The following MAK variants were observed in gnomAD, a reference collection of about 807,000 sequenced individuals.
MAK encodes serine/threonine-protein kinase MAK.
Under a neutral mutation model 82.6 loss-of-function variants are expected in MAK, and 65 were observed. That is an observed-to-expected ratio of 0.79 (90% CI 0.64 to 0.97). MAK has a LOEUF of 0.97. MAK is among the 50% of genes least tolerant of loss of function. The probability of loss-of-function intolerance (pLI) is 0.00; values close to 1 mark genes in which losing one functional copy is unlikely to be tolerated. For missense variants in MAK, 703 were observed against 780.2 expected (o/e 0.90, Z 1.18); for synonymous variants, 250 against 274.2 (o/e 0.91, Z 0.87).
intron 8 of MAK, chr6:10,797,955 A>ACT: frequency 8.3e-7 from 1 of 1,197,866 alleles, no homozygotes; most frequent in South Asian, 1.6e-5. Context: ...TAATTTGAAT[A>ACT]CTTCAATGCC....
At chr6:10,770,011 CTA>C in intron 14 of MAK, 98 bp downstream of exon 14, 2 of 1,605,990 alleles carry the variant, frequency 1.2e-6, no homozygotes, top group South Asian at 1.1e-5. Flanking sequence ...GTGAGGCTGA[CTA>C]AAAGTCTTCG....
intron 11 of MAK, among the ~76,000 whole-genome samples, chr6:10,779,082 G>A (rs1336125065): frequency 6.9e-6 from 1 of 144,116 alleles, no homozygotes; most frequent in Non-Finnish European, 1.5e-5. Context: ...GAGCTGAGGT[G>A]GTACCACTGC....
intron 3 of MAK, among the ~76,000 whole-genome samples, chr6:10,818,428 A>G (rs1777657559): frequency 6.6e-6 from 1 of 152,194 alleles, no homozygotes; most frequent in Non-Finnish European, 1.5e-5. Context: ...AGCCTGGCCA[A>G]CATGGTGAAA....
At chr6:10,817,773 CAT>C (rs1435167541) in intron 4 of MAK, 75 bp downstream of exon 4, 1 of 1,181,434 alleles carries the variant, frequency 8.5e-7, no homozygotes, top group Non-Finnish European at 1.2e-6. Flanking sequence ...ATCTTTCTCT[CAT>C]AAAGTATGAC....
chr6:10,774,631 A>C (rs1364507612), intron 12 of MAK, among the ~76,000 whole-genome samples: 1 of 152,232 alleles, frequency 6.6e-6, no homozygotes, highest in East Asian at 1.9e-4. Flanking sequence ...AAACTTTTTA[A>C]ATTACCTGTC....
chr6:10,808,643 T>C (rs550298136), intron 6 of MAK, among the ~76,000 whole-genome samples, 167 bp downstream of exon 6: 1 of 152,244 alleles, frequency 6.6e-6, no homozygotes, highest in African/African-American at 2.4e-5. Flanking sequence ...TTTTTTTCAG[T>C]GATCAGAATA....
chr6:10,772,941 C>T, intron 13 of MAK, 93 bp downstream of exon 13: 1 of 800,246 alleles, frequency 1.2e-6, no homozygotes, highest in Non-Finnish European at 2.1e-6. Flanking sequence ...ATCATCTCGG[C>T]CTTTTATGTC....
intron 5 of MAK, among the ~76,000 whole-genome samples, chr6:10,813,109 TATATATATATATATATATATATATAA>T (rs1561987034): frequency 3.4e-3 from 7 of 2,072 alleles, no homozygotes; most frequent in African/African-American, 0.011. Context: ...TATATATATA[TATATATATATATATATATATATATAA>T]ATTTTTTTTT....
At position 10,803,288 on chromosome 6, in the gene MAK, A is replaced by G. The variant is rs2127557784; in HGVS notation, c.663+432T>C. Among the ~76,000 whole-genome samples, 2 of 152,282 alleles carry G rather than the reference A, an allele frequency of 1.3e-5. 1 individual carries two copies. Among genetic ancestry groups the G allele is most frequent in the East Asian group, 3.9e-4 (2 of 5,194 alleles). On this transcript the variant is annotated intron_variant, in intron 7 of 14. Coordinates refer to ENST00000354489, the MANE Select transcript of MAK (RefSeq NM_001242957.3). ...GTGGTGGCTCACACCAAGTAATCCC[A>G]GCACTTTGGGAGGCTGAGGTGGGCA... is the stretch of plus-strand genomic sequence containing the variant.
Position 10,776,599 on chromosome 6 carries a change from G to A in MAK, c.1466-1140C>T, listed in dbSNP as rs776897521. On this transcript the variant is annotated intron_variant, in intron 11 of 14. Transcript: ENST00000354489. The surrounding 1 kb of genome is among the most constrained non-coding windows in gnomAD (Gnocchi z 4.3). ...CCAGGCAGTTGAGCTTTTGCTTTCC[G>A]CGAGCTGGATTCCTTAGAAAGGTTT... Among the ~76,000 whole-genome samples, 3 of 152,066 alleles carry A rather than the reference G, an allele frequency of 2.0e-5. No individual in the cohort carries two copies. Among genetic ancestry groups the A allele is most frequent in the East Asian group, 1.9e-4 (1 of 5,196 alleles).
chr6:10,795,724 A>C (rs1775488810), intron 9 of MAK, among the ~76,000 whole-genome samples: 1 of 152,222 alleles, frequency 6.6e-6, no homozygotes. Flanking sequence ...AGCCTAGGCA[A>C]CAAAAGCGAA....
rs1445455041 is a variant in MAK, at chr6:10,775,308, A to G, written c.1597+20T>C. The G allele has an allele frequency of 1.9e-6, 3 of 1,611,328 alleles. No individual in the cohort carries two copies. The East Asian group carries it at 6.7e-5, about 36-fold the overall frequency. On this transcript the variant is annotated intron_variant, in intron 12 of 14. Transcript: ENST00000354489. ...ATAAAGGAAAACCCCGTACATGTAC[A>G]TTTTGTATTCTTGCGTTACCTGCAT...
chr6:10,832,928 G>T (rs796637006), intron 1 of MAK, among the ~76,000 whole-genome samples: 4 of 152,320 alleles, frequency 2.6e-5, no homozygotes, highest in African/African-American at 9.6e-5. Flanking sequence ...AAACATGTGT[G>T]ACTTGCTTTA....
At chr6:10,797,050 A>T (rs1229069175) in intron 8 of MAK, among the ~76,000 whole-genome samples, 2 of 152,180 alleles carry the variant, frequency 1.3e-5, no homozygotes, top group Non-Finnish European at 2.9e-5. Context: ...AGATTATTTG[A>T]AATGATTAAC....
At chr6:10,775,503 T>C (rs1162747818) in intron 11 of MAK, 44 bp from the exon 12 acceptor site, 26 of 1,602,040 alleles carry the variant, frequency 1.6e-5, no homozygotes, top group Non-Finnish European at 2.2e-5. Context: ...GAGCAGATCA[T>C]AAACTTAAAG....
At chr6:10,788,364 GAATA>G (rs1486859360) in intron 10 of MAK, among the ~76,000 whole-genome samples, 1 of 151,962 alleles carries the variant, frequency 6.6e-6, no homozygotes, top group Non-Finnish European at 1.5e-5. Flanking sequence ...TAAAATTTAT[GAATA>G]AATTATGAAT....
At chr6:10,795,923 T>C in intron 9 of MAK, 75 bp downstream of exon 9, 2 of 1,488,480 alleles carry the variant, frequency 1.3e-6, no homozygotes, top group Non-Finnish European at 1.9e-6. Flanking sequence ...CCAACATTAT[T>C]AGAAATGCCT....
chr6:10,828,846 A>T (rs183738017), intron 2 of MAK, among the ~76,000 whole-genome samples: 48 of 152,330 alleles, frequency 3.2e-4, no homozygotes, highest in Middle Eastern at 3.4e-3. Context: ...CGAGAAGATC[A>T]TATAAAGACC....
chr6:10,785,578 G>A (rs1169473058), intron 10 of MAK, among the ~76,000 whole-genome samples: 2 of 152,244 alleles, frequency 1.3e-5, no homozygotes, highest in African/African-American at 2.4e-5. Context: ...CTAGGCACAG[G>A]TGCGTCTGCT....
Sources: gnomAD v4.1 joint callset for allele counts (sites outside exome capture counted in the v4.1 genomes callset) on GRCh38, gnomAD v4.1.1 for gene constraint, Gnocchi (gnomAD v3.1) non-coding constraint, MANE v1.5 for transcripts, NCBI Gene and HGNC (gene_info 2026-07-23, HGNC 2026-07-21) for gene names.